UVRAG: variants seen among roughly 807,000 people sequenced by gnomAD.
UVRAG encodes the protein UV radiation resistance associated, also known as UV radiation resistance-associated gene protein.
In UVRAG, 19 loss-of-function variants were observed where a neutral mutation model predicts 78.0. That is an observed-to-expected ratio of 0.24 (90% CI 0.17 to 0.36). UVRAG has a LOEUF of 0.36. UVRAG is among the 10% of genes least tolerant of loss of function. The pLI, the probability that UVRAG is intolerant of heterozygous loss-of-function variation, is 1.00. For missense variants in UVRAG, 740 were observed against 853.8 expected (o/e 0.87, Z 1.66); for synonymous variants, 323 against 324.6 (o/e 1.00, Z 0.05).
At chr11:75,874,714 A>G (rs1946727475) in intron 3 of UVRAG, among the ~76,000 whole-genome samples, 1 of 152,250 alleles carries the variant, frequency 6.6e-6, no homozygotes, top group East Asian at 1.9e-4. Flanking sequence ...TTAAAATAGT[A>G]GCTATTGCTG....
intron 6 of UVRAG, among the ~76,000 whole-genome samples, chr11:75,931,290 C>G (rs563009487): frequency 6.6e-6 from 1 of 152,054 alleles, no homozygotes. Context: ...GTTATGACAC[C>G]AGCCTTCCAG....
chr11:75,820,853 GAGGATT>G (rs141438235), intron 1 of UVRAG, among the ~76,000 whole-genome samples: 25,775 of 152,056 alleles, frequency 0.17, 3,138 homozygotes, highest in African/African-American at 0.34. Context: ...CTTGAGGCAG[GAGGATT>G]GATGTCAAGG....
At chr11:75,845,287 A>T (rs1444246370) in intron 1 of UVRAG, among the ~76,000 whole-genome samples, 1 of 152,260 alleles carries the variant, frequency 6.6e-6, no homozygotes, top group Non-Finnish European at 1.5e-5. Flanking sequence ...AGCACAACTC[A>T]GCCACCTGAA....
intron 8 of UVRAG, 120 bp downstream of exon 8, chr11:75,983,633 A>G (rs2135278022): frequency 1.5e-6 from 2 of 1,304,772 alleles, no homozygotes; most frequent in Admixed American, 3.1e-5. Context: ...ACTTAATGAC[A>G]GGGATATATT....
At chr11:76,079,092 C>T (rs1369362646) in intron 13 of UVRAG, among the ~76,000 whole-genome samples, 1 of 152,204 alleles carries the variant, frequency 6.6e-6, no homozygotes, top group East Asian at 1.9e-4. Flanking sequence ...CTTTACATCT[C>T]TGCTTCTTAA....
At chr11:76,105,639 A>G (rs1195546178) in intron 13 of UVRAG, among the ~76,000 whole-genome samples, 1 of 151,822 alleles carries the variant, frequency 6.6e-6, no homozygotes, top group African/African-American at 2.4e-5. Flanking sequence ...AGTCCCAACT[A>G]CTCAGGAGGC....
intron 9 of UVRAG, among the ~76,000 whole-genome samples, chr11:76,005,286 T>A (rs989695510): frequency 2.0e-5 from 3 of 151,540 alleles, no homozygotes; most frequent in African/African-American, 7.3e-5. Flanking sequence ...GAGCTTGCAG[T>A]GAGCCGAGAT....
intron 1 of UVRAG, among the ~76,000 whole-genome samples, chr11:75,817,196 A>C: frequency 6.6e-6 from 1 of 151,906 alleles, no homozygotes; most frequent in Non-Finnish European, 1.5e-5. Context: ...TGGGAGAGGG[A>C]ATAGGGAGCA....
intron 12 of UVRAG, among the ~76,000 whole-genome samples, chr11:76,030,148 C>CAA (rs375696332): frequency 5.1e-4 from 75 of 146,974 alleles, no homozygotes; most frequent in African/African-American, 1.7e-3. Context: ...TACTGGGAAA[C>CAA]AAAAAAAAAA....
At chr11:76,017,988 C>T (rs1032619770) in intron 12 of UVRAG, among the ~76,000 whole-genome samples, 1 of 152,034 alleles carries the variant, frequency 6.6e-6, no homozygotes, top group African/African-American at 2.4e-5. Context: ...AGATGTATTT[C>T]TAAATTCATT....
intron 3 of UVRAG, 144 bp downstream of exon 3, chr11:75,861,924 T>C: frequency 1.5e-6 from 1 of 674,624 alleles, no homozygotes; most frequent in South Asian, 1.9e-5. Context: ...ATCATTGTTT[T>C]GTTCATTGCT....
intron 12 of UVRAG, among the ~76,000 whole-genome samples, chr11:76,059,054 CAAT>C (rs1244632492): frequency 6.6e-6 from 1 of 152,190 alleles, no homozygotes; most frequent in Non-Finnish European, 1.5e-5. Flanking sequence ...AAATTTAAAA[CAAT>C]AACTGATTAT....
At position 76,141,504 on chromosome 11, in the gene UVRAG, A is replaced by C; in HGVS notation, c.*91A>C. On this transcript the variant is annotated 3_prime_UTR_variant, in exon 15 of 15. Transcript: ENST00000356136. ...AACCCTTTGTGATAATGATGACACA[A>C]AATGAATATTAATGGAGGATATTCC... The C allele has an allele frequency of 8.0e-7, 1 of 1,247,978 alleles. No homozygotes were observed. The highest frequency in any genetic ancestry group is 1.1e-6 in the Non-Finnish European group (1 of 901,826). 77.3% of individuals were successfully genotyped at this position (1,247,978 alleles called of 1,614,324 possible).
At chr11:75,856,238 C>T (rs371715824) in intron 2 of UVRAG, among the ~76,000 whole-genome samples, 26 of 152,252 alleles carry the variant, frequency 1.7e-4, no homozygotes, top group African/African-American at 5.3e-4. Flanking sequence ...CTCCTGACCT[C>T]GTGATCCGCC....
chr11:76,123,357 T>A (rs1030624853), intron 14 of UVRAG, among the ~76,000 whole-genome samples: 4 of 152,204 alleles, frequency 2.6e-5, no homozygotes, highest in African/African-American at 9.7e-5. Context: ...TTAAGAACTT[T>A]AAGACTGAAA....
At chr11:76,006,522 T>C (rs2135342424) in intron 9 of UVRAG, among the ~76,000 whole-genome samples, 1 of 151,854 alleles carries the variant, frequency 6.6e-6, no homozygotes, top group South Asian at 2.1e-4. Flanking sequence ...TAGCTCAGCA[T>C]GGTTGGGCAT....
intron 12 of UVRAG, among the ~76,000 whole-genome samples, chr11:76,055,185 T>G (rs1022424721): frequency 6.6e-6 from 1 of 152,060 alleles, no homozygotes; most frequent in Non-Finnish European, 1.5e-5. Flanking sequence ...GTAGCTGGGA[T>G]TACAGGCATA....
chr11:76,120,115 A>C (rs1037700056), intron 14 of UVRAG, among the ~76,000 whole-genome samples: 1 of 152,228 alleles, frequency 6.6e-6, no homozygotes, highest in African/African-American at 2.4e-5. Flanking sequence ...GGAATAGTTT[A>C]AGAAAAGCCG....
At chr11:76,115,166 G>T (rs1273628670) in intron 13 of UVRAG, among the ~76,000 whole-genome samples, 2 of 152,132 alleles carry the variant, frequency 1.3e-5, no homozygotes, top group Middle Eastern at 3.2e-3. Flanking sequence ...AGAACAGACC[G>T]ATGAAAACCA....
Sources: gnomAD v4.1 joint callset for allele counts (sites outside exome capture counted in the v4.1 genomes callset) on GRCh38, gnomAD v4.1.1 for gene constraint, MANE v1.5 for transcripts, NCBI Gene and HGNC (gene_info 2026-07-23, HGNC 2026-07-21) for gene names.